Variants in CFAP77 observed in about 807,000 individuals in gnomAD.
CFAP77 encodes cilia- and flagella-associated protein 77.
A neutral mutation model predicts 31.1 loss-of-function variants in CFAP77; 25 were observed. The observed-to-expected ratio is 0.80, with a 90% CI of 0.59 to 1.12. The LOEUF (loss-of-function observed/expected upper bound fraction) is 1.12, where lower values mean the gene tolerates loss of function less well. Among genes scored for constraint, CFAP77 ranks in the 50% most tolerant of loss-of-function variants. CFAP77 has a pLI of 0.00. For missense variants in CFAP77, 377 were observed against 397.3 expected (o/e 0.95, Z 0.44); for synonymous variants, 151 against 159.9 (o/e 0.94, Z 0.42).
Position 132,412,626 on chromosome 9 carries a change from T to TTTG in CFAP77, c.195+2162_195+2163insGTT, listed in dbSNP as rs1564195377. Among the ~76,000 whole-genome samples, 8 of 151,190 alleles carry TTTG rather than the reference T, an allele frequency of 5.3e-5. No individual in the cohort carries two copies. The South Asian group carries it at 1.0e-3, about 20-fold the overall frequency. Reference sequence around the variant, plus strand: ...GTTTGTTTGTTTTGTGCTTTTTTTTTTTTGTTTGTTTGTTTGTTTTGCTCA... The same window carrying TTTG: ...GTTTGTTTGTTTTGTGCTTTTTTTTTTTGTTTGTTTGTTTGTTTGTTTTGCTCA... On this transcript the variant is annotated intron_variant, in intron 1 of 5. Coordinates refer to ENST00000393216, the MANE Select transcript of CFAP77 (RefSeq NM_001282957.2).
intron 1 of CFAP77, among the ~76,000 whole-genome samples, chr9:132,454,732 A>G (rs1253093100): frequency 1.3e-5 from 2 of 152,242 alleles, no homozygotes; most frequent in Non-Finnish European, 2.9e-5. Flanking sequence ...GAAGGCAGAC[A>G]TACCTATAAC....
At chr9:132,533,361 C>T (rs1265578358) in intron 3 of CFAP77, among the ~76,000 whole-genome samples, 1 of 152,180 alleles carries the variant, frequency 6.6e-6, no homozygotes, top group African/African-American at 2.4e-5. Flanking sequence ...TCACAAATTA[C>T]CATGAACTTG....
intron 5 of CFAP77, among the ~76,000 whole-genome samples, chr9:132,561,845 G>C (rs982051100): frequency 1.3e-5 from 2 of 152,200 alleles, no homozygotes; most frequent in East Asian, 3.9e-4. Flanking sequence ...AGAAGGCAAG[G>C]AAAGAGGGAA....
intron 5 of CFAP77, among the ~76,000 whole-genome samples, chr9:132,544,323 C>T (rs1852697711): frequency 6.6e-6 from 1 of 152,160 alleles, no homozygotes. Context: ...CACTGCAGCT[C>T]CGCAGCTCCT....
At chr9:132,515,837 G>A (rs947604816) in intron 3 of CFAP77, among the ~76,000 whole-genome samples, 14 of 151,526 alleles carry the variant, frequency 9.2e-5, no homozygotes, top group African/African-American at 3.2e-4. Flanking sequence ...CCGTTTCTCC[G>A]TCGGTCAGTG....
chr9:132,557,897 C>T (rs548508182), intron 5 of CFAP77, among the ~76,000 whole-genome samples: 2 of 152,142 alleles, frequency 1.3e-5, no homozygotes, highest in Non-Finnish European at 2.9e-5. Flanking sequence ...TCTCCTCCCC[C>T]GGTTCTGAGT....
At chr9:132,563,964 T>G (rs1829855805) in intron 5 of CFAP77, among the ~76,000 whole-genome samples, 1 of 152,196 alleles carries the variant, frequency 6.6e-6, no homozygotes, top group African/African-American at 2.4e-5. Flanking sequence ...CCAGCTACTC[T>G]TTCTCTTTGA....
At chr9:132,493,063 GC>G (rs2118943809) in intron 1 of CFAP77, among the ~76,000 whole-genome samples, 1 of 152,166 alleles carries the variant, frequency 6.6e-6, no homozygotes, top group African/African-American at 2.4e-5. Flanking sequence ...CCCGTGGGTG[GC>G]CTCCGGCTGT....
In CFAP77 at chr9:132,410,451, C is replaced by A; in HGVS notation, c.180C>A (p.Asn60Lys). Residue 60 changes from asparagine to lysine, a missense_variant, in exon 1 of 6, where the codon AAC (asparagine) becomes AAA (lysine). Asn to Lys is a moderately conservative substitution (Grantham distance 94). Transcript: ENST00000393216. Reference protein sequence around the residue: ...LGVVRDSMFQNPLIVKAELGK... With the variant: ...LGVVRDSMFQKPLIVKAELGK... ...TCGTGCGGGACTCCATGTTTCAGAA[C>A]CCTCTCATCGTCAAGGTGAGCACCC... The A allele has an allele frequency of 1.3e-6, 2 of 1,586,632 alleles. No homozygotes were observed. Among genetic ancestry groups the A allele is most frequent in the East Asian group, 2.4e-5 (1 of 40,870 alleles).
chr9:132,469,838 A>ATTTTTTTTTT, intron 1 of CFAP77, among the ~76,000 whole-genome samples: 1 of 128,842 alleles, frequency 7.8e-6, no homozygotes, highest in Admixed American at 7.7e-5. Context: ...TTGCTCCGTG[A>ATTTTTTTTTT]TTTTTTTTTT....
At chr9:132,514,872 G>A (rs1446702012) in intron 3 of CFAP77, among the ~76,000 whole-genome samples, 5 of 152,182 alleles carry the variant, frequency 3.3e-5, no homozygotes, top group Non-Finnish European at 7.4e-5. Flanking sequence ...AACAGGCCCT[G>A]GAGCCAAGGG....
rs1468014068 is a variant in CFAP77, at chr9:132,498,663, C to T, written c.196-32C>T. 13 of 1,536,758 alleles carry T rather than the reference C, an allele frequency of 8.5e-6. No homozygotes were observed. The highest frequency in any genetic ancestry group is 1.4e-5 in the African/African-American group (1 of 73,610). On this transcript the variant is annotated intron_variant, in intron 1 of 5. Transcript: ENST00000393216. This position sits in a 1 kb window ranked among gnomAD's most constrained non-coding sequence, Gnocchi z 4.2. The stretch of plus-strand genomic sequence containing the variant: ...ATACATTTGGTCTGAGACTCCACTC[C>T]TCACCTCTGCTCTCTGTCCTTCCCC...
rs568631880 is a variant in CFAP77, at chr9:132,497,246, A to C, written c.196-1449A>C. Among the ~76,000 whole-genome samples the C allele has an allele frequency of 6.6e-6, 1 of 152,224 alleles. No individual in the cohort carries two copies. Among genetic ancestry groups the C allele is most frequent in the African/African-American group, 2.4e-5 (1 of 41,528 alleles). ...AGAGGGAAGGGTTTATTTCAGAGGC[A>C]GTGATGAGCCACGCTGGGTGGTCCT... On this transcript the variant is annotated intron_variant, in intron 1 of 5. Coordinates refer to ENST00000393216, the MANE Select transcript of CFAP77 (RefSeq NM_001282957.2). The surrounding 1 kb of genome is among the most constrained non-coding windows in gnomAD (Gnocchi z 4.9).
intron 1 of CFAP77, among the ~76,000 whole-genome samples, chr9:132,478,519 A>G (rs1851389561): frequency 6.6e-6 from 1 of 152,176 alleles, no homozygotes; most frequent in South Asian, 2.1e-4. Flanking sequence ...ACTTTGGGCA[A>G]AATAAAATTT....
At chr9:132,514,942 G>A (rs1266743078) in intron 3 of CFAP77, among the ~76,000 whole-genome samples, 2 of 152,132 alleles carry the variant, frequency 1.3e-5, no homozygotes, top group African/African-American at 2.4e-5. Context: ...AGCAGCCTCC[G>A]GGGCGCCAGA....
chr9:132,549,047 A>G (rs1269625748), intron 5 of CFAP77, among the ~76,000 whole-genome samples: 1 of 152,164 alleles, frequency 6.6e-6, no homozygotes, highest in Non-Finnish European at 1.5e-5. Flanking sequence ...AGTGACACCC[A>G]GAGATGCAGC....
chr9:132,534,340 C>A (rs754955557), intron 3 of CFAP77, among the ~76,000 whole-genome samples: 1 of 152,072 alleles, frequency 6.6e-6, no homozygotes, highest in Non-Finnish European at 1.5e-5. Flanking sequence ...CGGCCGGGCA[C>A]GGTGGCTCAT....
At chr9:132,465,939 GCACCAGAAA>G (rs979085339) in intron 1 of CFAP77, among the ~76,000 whole-genome samples, 3 of 152,210 alleles carry the variant, frequency 2.0e-5, no homozygotes, top group Non-Finnish European at 4.4e-5. Flanking sequence ...GGAAGGGCCT[GCACCAGAAA>G]CCTGAGAACA....
intron 1 of CFAP77, among the ~76,000 whole-genome samples, chr9:132,422,472 GGT>G (rs1850234610): frequency 6.6e-6 from 1 of 152,212 alleles, no homozygotes; most frequent in African/African-American, 2.4e-5. Context: ...CGAGCTGAGG[GGT>G]CCTGGTCAGT....
Sources: gnomAD v4.1 joint callset for allele counts (sites outside exome capture counted in the v4.1 genomes callset) on GRCh38, gnomAD v4.1.1 for gene constraint, Gnocchi (gnomAD v3.1) non-coding constraint, MANE v1.5 for transcripts, NCBI Gene and HGNC (gene_info 2026-07-23, HGNC 2026-07-21) for gene names.